Variants in LINGO2 observed in about 807,000 individuals in gnomAD.
The protein encoded by LINGO2 is leucine rich repeat and Ig domain containing 2.
LINGO2 carries 14 observed loss-of-function variants against 30.6 expected under a neutral mutation model. The ratio of observed to expected loss-of-function variants is 0.46; its 90% CI spans 0.30 to 0.72. The LOEUF is 0.72. LINGO2 is among the 30% of genes least tolerant of loss of function. LINGO2 has a pLI of 0.07. For synonymous variants in LINGO2, 317 were observed against 288.5 expected (o/e 1.10, Z -1.00); for missense variants, 729 against 751.7 (o/e 0.97, Z 0.35).
At chr9:28,360,953 A>C (rs1360679575) in intron 3 of LINGO2, among the ~76,000 whole-genome samples, 8 of 152,240 alleles carry the variant, frequency 5.3e-5, no homozygotes, top group Non-Finnish European at 8.8e-5. Context: ...TTTGTGGTTT[A>C]GCTTTCCATT....
intron 4 of LINGO2, among the ~76,000 whole-genome samples, chr9:28,262,655 T>C (rs1822605004): frequency 1.3e-5 from 2 of 152,088 alleles, no homozygotes; most frequent in South Asian, 2.1e-4. Context: ...AATTAAAATA[T>C]ATAAGAAGAA....
intron 1 of LINGO2, among the ~76,000 whole-genome samples, chr9:28,565,646 G>A (rs1020887756): frequency 6.6e-6 from 1 of 151,176 alleles, no homozygotes; most frequent in East Asian, 2.0e-4. Context: ...CTGCCTTCCG[G>A]GTTCATGCCA....
At chr9:28,860,177 G>A in the LINGO2 span, among the ~76,000 whole-genome samples, 48 of 152,066 alleles carry the variant, frequency 3.2e-4, no homozygotes, top group South Asian at 8.1e-3. Flanking sequence ...TTATTTCATT[G>A]GAAAAATACC....
chr9:28,568,112 G>C (rs929485002), intron 1 of LINGO2, among the ~76,000 whole-genome samples: 1 of 152,120 alleles, frequency 6.6e-6, no homozygotes, highest in African/African-American at 2.4e-5. Flanking sequence ...TCCCCACAGT[G>C]AACAAATTCT....
chr9:28,670,506 C>T (rs574398575), upstream of LINGO2, among the ~76,000 whole-genome samples: 1 of 152,264 alleles, frequency 6.6e-6, no homozygotes, highest in South Asian at 2.1e-4. Context: ...TTATGACATA[C>T]TGCAAAACAT....
the LINGO2 span, among the ~76,000 whole-genome samples, chr9:29,121,501 T>C: frequency 2.0e-5 from 3 of 152,046 alleles, no homozygotes; most frequent in African/African-American, 7.2e-5. Flanking sequence ...TTTGTGTCAA[T>C]TTTTCCATTT....
the LINGO2 span, among the ~76,000 whole-genome samples, chr9:28,691,345 G>A: frequency 5.3e-5 from 8 of 152,156 alleles, no homozygotes; most frequent in African/African-American, 1.4e-4. Context: ...GCTCACCCTT[G>A]GGTAAAGTTG....
intron 1 of LINGO2, among the ~76,000 whole-genome samples, chr9:28,523,803 T>A (rs1820915802): frequency 6.6e-6 from 1 of 151,852 alleles, no homozygotes; most frequent in African/African-American, 2.4e-5. Context: ...AAGACATTTC[T>A]ATGGATTGGA....
At chr9:28,338,574 T>C (rs988759002) in intron 3 of LINGO2, among the ~76,000 whole-genome samples, 6 of 152,140 alleles carry the variant, frequency 3.9e-5, no homozygotes, top group African/African-American at 1.4e-4. Flanking sequence ...TCTTGAATTG[T>C]AGTTCCTATA....
intron 1 of LINGO2, among the ~76,000 whole-genome samples, chr9:28,634,032 G>A (rs1587995651): frequency 6.6e-6 from 1 of 152,194 alleles, no homozygotes; most frequent in East Asian, 1.9e-4. Flanking sequence ...CTCTGGATAA[G>A]AACAAGAAAG....
At chr9:28,518,704 G>A (rs1158760387) in intron 1 of LINGO2, among the ~76,000 whole-genome samples, 3 of 151,958 alleles carry the variant, frequency 2.0e-5, no homozygotes, top group Non-Finnish European at 4.4e-5. Flanking sequence ...ATTATTCTTT[G>A]TCCAATTCAA....
At chr9:28,591,705 A>C (rs1214815349) in intron 1 of LINGO2, among the ~76,000 whole-genome samples, 1 of 152,024 alleles carries the variant, frequency 6.6e-6, no homozygotes, top group Non-Finnish European at 1.5e-5. Flanking sequence ...GGTGACAGGG[A>C]CTTGAGAAAG....
At chr9:28,681,569 T>C in the LINGO2 span, among the ~76,000 whole-genome samples, 1 of 151,966 alleles carries the variant, frequency 6.6e-6, no homozygotes, top group Non-Finnish European at 1.5e-5. Flanking sequence ...GATATGGGAA[T>C]GGGTGAAATG....
intron 4 of LINGO2, among the ~76,000 whole-genome samples, chr9:28,146,357 T>G (rs1477987101): frequency 6.6e-6 from 1 of 152,194 alleles, no homozygotes; most frequent in Non-Finnish European, 1.5e-5. Context: ...TATAGAGTTA[T>G]TTATCCTAAA....
At chr9:28,228,848 A>C (rs911234490) in intron 4 of LINGO2, among the ~76,000 whole-genome samples, 2 of 151,766 alleles carry the variant, frequency 1.3e-5, no homozygotes, top group African/African-American at 4.8e-5. Flanking sequence ...CTATATTTTT[A>C]AATGGGAAGA....
At chr9:28,635,923 A>T (rs1827244970) in intron 1 of LINGO2, among the ~76,000 whole-genome samples, 1 of 152,130 alleles carries the variant, frequency 6.6e-6, no homozygotes, top group African/African-American at 2.4e-5. Flanking sequence ...TGTAGCACCC[A>T]GTAACTCGTC....
intron 4 of LINGO2, among the ~76,000 whole-genome samples, chr9:28,055,396 C>A (rs1210471662): frequency 6.6e-6 from 1 of 152,088 alleles, no homozygotes; most frequent in Admixed American, 6.6e-5. Context: ...TCTGAATGGC[C>A]AGGCTATTTT....
intron 5 of LINGO2, among the ~76,000 whole-genome samples, chr9:27,961,702 AAG>A (rs1190458615): frequency 6.6e-6 from 1 of 152,204 alleles, no homozygotes; most frequent in East Asian, 1.9e-4. Flanking sequence ...AGACTTGCAG[AAG>A]AGAAAGACTT....
At chr9:29,113,604 T>A in the LINGO2 span, among the ~76,000 whole-genome samples, 1 of 152,298 alleles carries the variant, frequency 6.6e-6, no homozygotes, top group East Asian at 1.9e-4. Context: ...GAGCAATCTT[T>A]TCATTTCACG....
Sources: allele counts gnomAD v4.1 joint callset (sites outside exome capture counted in the v4.1 genomes callset), GRCh38; gene constraint gnomAD v4.1.1; transcripts MANE v1.5; gene names NCBI Gene and HGNC (gene_info 2026-07-23, HGNC 2026-07-21).